The following CLMN variants were observed in gnomAD, a reference collection of about 807,000 sequenced individuals.
CLMN encodes the protein calmin, also known as calmin (calponin-like, transmembrane).
In CLMN, 57 loss-of-function variants were observed where a neutral mutation model predicts 92.7. The observed-to-expected ratio is 0.61, with a 90% CI of 0.50 to 0.77. The LOEUF is 0.77. Among genes scored for constraint, CLMN ranks in the 30% least tolerant of loss-of-function variants. The pLI is 0.00. For missense variants in CLMN, 1,158 were observed against 1,237.5 expected, an observed-to-expected ratio of 0.94 and a Z score of 0.96; for synonymous variants, 466 against 470.6, an observed-to-expected ratio of 0.99 and a Z score of 0.13.
At chr14:95,213,866 A>C (rs1187602) in intron 5 of CLMN, among the ~76,000 whole-genome samples, 15,456 of 152,064 alleles carry the variant, frequency 0.1, 1,335 homozygotes, top group East Asian at 0.45. Flanking sequence ...GCAGAACCCT[A>C]GGCTCTACCC....
At position 95,189,770 on chromosome 14, in the gene CLMN, C is replaced by A. The variant is rs1181991366; in HGVS notation, c.*1794G>T. The A allele has an allele frequency of 1.3e-5, 2 of 152,200 alleles. No individual in the cohort carries two copies. The highest frequency in any genetic ancestry group is 3.8e-4 in the East Asian group (2 of 5,198). 9.4% of individuals were successfully genotyped at this position (152,200 alleles called of 1,614,324 possible). A position where few individuals can be genotyped will look rare whatever the true frequency, so the allele number is the denominator to read the frequency against. On this transcript the variant is annotated 3_prime_UTR_variant, in exon 13 of 13. Coordinates refer to ENST00000298912, the MANE Select transcript of CLMN (RefSeq NM_024734.4). ...ATGCCAGGGAGCTCATTAATTAGCT[C>A]ATTTTCCATGGGGCTCTTGGCCTTC...
rs1392452971 is a variant in CLMN, at chr14:95,203,451, T to G, written c.1898A>C (p.Gln633Pro). 1.9e-6 allele frequency: 3 copies of G among 1,614,106 alleles called. No homozygotes were observed. ...QVKMDKHEPH[Q>P]DSGEEAEGCP... The stretch of plus-strand genomic sequence containing the variant: ...GCCTTCAGCTTCTTCTCCGGAGTCC[T>G]GATGAGGTTCATGTTTGTCCATCTT... The change falls in exon 9 of 13, where the codon CAG (glutamine) becomes CCG (proline). Residue 633 changes from glutamine (Q) to proline (P), a missense_variant. By Grantham distance (76) the Gln-to-Pro change is moderately conservative. Transcript: ENST00000298912.
chr14:95,251,976 G>A (rs28557354), intron 1 of CLMN, among the ~76,000 whole-genome samples: 2,471 of 152,222 alleles, frequency 0.016, 54 homozygotes, highest in African/African-American at 0.055. Context: ...AAGGATTAGC[G>A]AGGCAAAGCC....
chr14:95,288,913 G>A (rs774777983), intron 1 of CLMN, among the ~76,000 whole-genome samples: 24 of 152,174 alleles, frequency 1.6e-4, no homozygotes, highest in Non-Finnish European at 3.1e-4. Context: ...TCTGGATCTC[G>A]CCAACTATCA....
chr14:95,265,824 G>T (rs1899451191), intron 1 of CLMN, among the ~76,000 whole-genome samples: 1 of 152,188 alleles, frequency 6.6e-6, no homozygotes, highest in Non-Finnish European at 1.5e-5. Context: ...TGAGGAAGAA[G>T]AAAATTCTGA....
intron 1 of CLMN, among the ~76,000 whole-genome samples, chr14:95,296,542 A>G (rs1032321256): frequency 2.0e-5 from 3 of 152,238 alleles, no homozygotes; most frequent in African/African-American, 7.2e-5. Context: ...CCAGTGACTA[A>G]GTGCTGACCA....
intron 3 of CLMN, among the ~76,000 whole-genome samples, chr14:95,222,948 C>T (rs749235506): frequency 3.3e-5 from 5 of 152,178 alleles, no homozygotes; most frequent in African/African-American, 1.2e-4. Flanking sequence ...GTTGTGACCC[C>T]GTTGCTGCAC....
At chr14:95,265,676 T>G (rs114263189) in intron 1 of CLMN, among the ~76,000 whole-genome samples, 2,023 of 152,294 alleles carry the variant, frequency 0.013, 50 homozygotes, top group African/African-American at 0.045. Context: ...CACTTCCTGG[T>G]GAGTCATATT....
At chr14:95,227,281 G>A (rs887623293) in intron 2 of CLMN, among the ~76,000 whole-genome samples, 1 of 152,148 alleles carries the variant, frequency 6.6e-6, no homozygotes. Flanking sequence ...CCCCCAGTTA[G>A]TCAAAATACA....
chr14:95,287,887 C>T (rs1900404558), intron 1 of CLMN, among the ~76,000 whole-genome samples: 2 of 152,202 alleles, frequency 1.3e-5, no homozygotes, highest in South Asian at 4.1e-4. Context: ...TCTCAACCAA[C>T]CCACCGTAAT....
chr14:95,265,114 T>C (rs1005561500), intron 1 of CLMN, among the ~76,000 whole-genome samples: 2 of 152,020 alleles, frequency 1.3e-5, no homozygotes, highest in East Asian at 1.9e-4. Context: ...TGGTGGTGCA[T>C]GCCTGTAGTC....
chr14:95,226,458 C>T (rs1040256752), intron 2 of CLMN, among the ~76,000 whole-genome samples: 76 of 152,002 alleles, frequency 5.0e-4, no homozygotes, highest in African/African-American at 1.3e-3. Context: ...ACTACATTTA[C>T]GGTTCTAGGT....
At chr14:95,280,278 T>C (rs773534849) in intron 1 of CLMN, among the ~76,000 whole-genome samples, 36 of 152,226 alleles carry the variant, frequency 2.4e-4, no homozygotes, top group Admixed American at 1.3e-4. Flanking sequence ...TGGATAAATT[T>C]GTCTACAGGG....
chr14:95,191,842 C>T lies in CLMN; in HGVS notation c.2841-110G>A. On this transcript the variant is annotated intron_variant, in intron 12 of 12. Coordinates refer to ENST00000298912, the MANE Select transcript of CLMN (RefSeq NM_024734.4). The surrounding 1 kb of genome is among the most constrained non-coding windows in gnomAD (Gnocchi z 5.3). Reference sequence around the variant, plus strand: ...GGCCCCCACTCCCCGCCTGAAGACCCGAAGGCTCCCCAGCACCATGTCCAG... The same window carrying T: ...GGCCCCCACTCCCCGCCTGAAGACCTGAAGGCTCCCCAGCACCATGTCCAG... 2.9e-6 allele frequency: 3 copies of T among 1,024,142 alleles called. No homozygotes were observed. The highest frequency in any genetic ancestry group is 2.5e-5 in the Admixed American group (1 of 39,240). The allele number at this position is 1,024,142 out of a possible 1,614,324, so 63.4% of individuals were successfully genotyped here. A position where few individuals can be genotyped will look rare whatever the true frequency, so the allele number is the denominator to read the frequency against.
In CLMN at chr14:95,259,383, C is replaced by G. The variant is rs922555093; in HGVS notation, c.83-29250G>C. Reference sequence around the variant, plus strand: ...CACTCACCAGGCCTGACCTTGGGCACCAGAACGGAGAAGGAAATGTGCGTG... The same window carrying G: ...CACTCACCAGGCCTGACCTTGGGCAGCAGAACGGAGAAGGAAATGTGCGTG... On this transcript the variant is annotated intron_variant, in intron 1 of 12. Coordinates refer to ENST00000298912, the MANE Select transcript of CLMN (RefSeq NM_024734.4). The surrounding 1 kb of genome is among the most constrained non-coding windows in gnomAD (Gnocchi z 4.3). Among the ~76,000 whole-genome samples, 1 of 152,070 alleles carries G rather than the reference C, an allele frequency of 6.6e-6. No homozygotes were observed. Among genetic ancestry groups the G allele is most frequent in the Non-Finnish European group, 1.5e-5 (1 of 67,980 alleles).
intron 9 of CLMN, among the ~76,000 whole-genome samples, chr14:95,202,071 ATTTATATTCCT>A (rs1450367078): frequency 2.0e-5 from 3 of 152,214 alleles, no homozygotes; most frequent in Admixed American, 1.3e-4. Flanking sequence ...TAGCAGAATG[ATTTATATTCCT>A]TTGGGCATAT....
At chr14:95,311,650 ACT>A (rs1901545719) in intron 1 of CLMN, among the ~76,000 whole-genome samples, 2 of 152,174 alleles carry the variant, frequency 1.3e-5, no homozygotes, top group African/African-American at 4.8e-5. Context: ...GTGAAGGTCA[ACT>A]GCATGGGCCC....
Position 95,311,593 on chromosome 14 carries a change from C to T in CLMN, c.82+8118G>A, listed in dbSNP as rs375743445. 7.9e-5 allele frequency among the ~76,000 whole-genome samples: 12 copies of T among 152,292 alleles called. No homozygotes were observed. In the East Asian group the frequency reaches 2.3e-3, roughly 29 times the overall value. ...ACACTGGACCACAATCTCCAAGAAG[C>T]ACTAGAACACAAGGGAACCAAATAA... is the stretch of plus-strand genomic sequence containing the variant. On this transcript the variant is annotated intron_variant, in intron 1 of 12. Coordinates refer to ENST00000298912, the MANE Select transcript of CLMN (RefSeq NM_024734.4).
rs117326550 is a variant in CLMN at position 95,221,722 on chromosome 14, G to A, written c.293C>T (p.Ala98Val). The change falls in exon 4 of 13, where the codon GCG (alanine) becomes GTG (valine). Residue 98 changes from alanine to valine, a missense_variant. Transcript: ENST00000298912. ...ATCTTCCAAAAACTTAAGTGCTTTC[G>A]CTATGTTGTTCAACCGAAAAATACG... ...SHRIFRLNNI[A>V]KALKFLEDSN... The A allele has an allele frequency of 7.5e-4, 1,207 of 1,614,054 alleles. 1 individual carries two copies. The highest frequency in any genetic ancestry group is 9.6e-4 in the Non-Finnish European group (1,131 of 1,179,960).
Sources: allele counts gnomAD v4.1 joint callset (sites outside exome capture counted in the v4.1 genomes callset), GRCh38; gene constraint gnomAD v4.1.1; non-coding constraint Gnocchi (gnomAD v3.1); transcripts MANE v1.5; gene names NCBI Gene and HGNC (gene_info 2026-07-23, HGNC 2026-07-21).